Variants in CTSE observed in about 807,000 individuals in gnomAD.
CTSE encodes cathepsin E.
A neutral mutation model predicts 42.8 loss-of-function variants in CTSE; 43 were observed. The ratio of observed to expected loss-of-function variants is 1.01; its 90% CI spans 0.79 to 1.30. The LOEUF (loss-of-function observed/expected upper bound fraction) is 1.30. CTSE is among the 50% of genes most tolerant of loss of function. CTSE has a pLI of 0.00. For missense variants in CTSE, 532 were observed against 493.5 expected (o/e 1.08, Z -0.74); for synonymous variants, 205 against 191.5 (o/e 1.07, Z -0.58).
Position 206,023,866 on chromosome 1 carries a change from C to A in CTSE, c.-75G>T. ...CCGAGGGCAGTGGGAACGGACTTTC[C>A]CTAACTCTCAGACCTGCCCAGCCCA... On this transcript the variant is annotated 5_prime_UTR_variant, in exon 1 of 9. Coordinates refer to ENST00000358184, the MANE Select transcript of CTSE (RefSeq NM_001910.4). The A allele has an allele frequency of 6.7e-7, 1 of 1,481,784 alleles. No individual in the cohort carries two copies. The highest frequency in any genetic ancestry group is 1.1e-5 in the South Asian group (1 of 87,108). 91.8% of individuals were successfully genotyped at this position (1,481,784 alleles called of 1,614,324 possible). A position where few individuals can be genotyped will look rare whatever the true frequency, so the allele number is the denominator to read the frequency against.
intron 1 of CTSE, 49 bp from the exon 2 acceptor site, chr1:206,023,106 T>G (rs1661496362): frequency 7.3e-7 from 1 of 1,362,976 alleles, no homozygotes; most frequent in Admixed American, 1.9e-5. Flanking sequence ...TGCCTCCCTC[T>G]TCCCCCCATT....
At chr1:206,022,714 T>C (rs997236071) in intron 2 of CTSE, among the ~76,000 whole-genome samples, 187 bp downstream of exon 2, 3 of 152,032 alleles carry the variant, frequency 2.0e-5, no homozygotes, top group Admixed American at 6.5e-5. Flanking sequence ...ACTCTGACAT[T>C]TGGGTACATG....
chr1:206,010,248 G>C lies in CTSE; in HGVS notation c.1126C>G (p.Arg376Gly). The change falls in exon 9 of 9, where the codon CGA becomes GGA. Residue 376 changes from arginine (R) to glycine (G), a missense_variant. By Grantham distance (125) the Arg-to-Gly change is moderately radical. Transcript: ENST00000358184. Reference sequence around the variant, plus strand: ...CGGTCAAAGACTGAGTAAAACTGTCGAATGAAGACATCCCCCAGGATCCAG... The same window carrying C: ...CGGTCAAAGACTGAGTAAAACTGTCCAATGAAGACATCCCCCAGGATCCAG... The part of the protein sequence containing the change: ...PLWILGDVFI[R>G]QFYSVFDRGN... 2 of 1,613,724 alleles carry C rather than the reference G, an allele frequency of 1.2e-6. No individual in the cohort carries two copies. The highest frequency in any genetic ancestry group is 1.7e-6 in the Non-Finnish European group (2 of 1,179,774).
In CTSE at chr1:206,013,858, A is replaced by G. The variant is rs61742539; in HGVS notation, c.699T>C (p.Phe233=). ...PEGGAGSELI[F]GGYDHSHFSG... is the part of the protein sequence containing the mutation. The stretch of plus-strand genomic sequence containing the variant: ...AGAAATGGGAGTGGTCGTAGCCTCC[A>G]AAAATCAGCTCGCTCCCCGCACCAC... The change falls in exon 6 of 9, where the codon TTT becomes TTC. Residue 233 remains phenylalanine (F), a synonymous_variant. Transcript: ENST00000358184. 288,536 of 1,613,314 alleles carry G rather than the reference A, an allele frequency of 0.18. 30,569 individuals carry two copies. Among genetic ancestry groups the G allele is most frequent in the African/African-American group, 0.37 (27,332 of 74,880 alleles).
chr1:206,013,540 A>G (rs1438283607), intron 6 of CTSE, among the ~76,000 whole-genome samples: 2 of 152,000 alleles, frequency 1.3e-5, no homozygotes, highest in Non-Finnish European at 2.9e-5. Context: ...ACTGGTATTG[A>G]CTGTATGTTG....
chr1:206,017,635 G>A (rs563283613), intron 4 of CTSE, among the ~76,000 whole-genome samples: 12 of 152,030 alleles, frequency 7.9e-5, no homozygotes, highest in South Asian at 2.1e-4. Context: ...GACTACAGGC[G>A]TGTGCCACCA....
At chr1:206,018,915 T>C (rs1363696284) in intron 4 of CTSE, among the ~76,000 whole-genome samples, 2 of 152,070 alleles carry the variant, frequency 1.3e-5, no homozygotes, top group Non-Finnish European at 2.9e-5. Flanking sequence ...TTCCTTTTGA[T>C]TTCTTTGGGT....
chr1:206,022,181 G>T lies in CTSE; in HGVS notation c.312C>A (p.Val104=). The part of the protein sequence containing the change: ...IFDTGSSNLW[V]PSVYCTSPAC... ...CTGGGCTAGTGCAGTACACAGAGGG[G>T]ACCCAGAGGTTGGAGGAGCCAGTGT... is the stretch of plus-strand genomic sequence containing the variant. The change falls in exon 3 of 9, where the codon GTC becomes GTA. Residue 104 remains valine, a synonymous_variant. Coordinates refer to ENST00000358184, the MANE Select transcript of CTSE (RefSeq NM_001910.4). 3 of 1,612,174 alleles carry T rather than the reference G, an allele frequency of 1.9e-6. No individual in the cohort carries two copies. Among genetic ancestry groups the T allele is most frequent in the Non-Finnish European group, 1.7e-6 (2 of 1,178,570 alleles).
intron 3 of CTSE, among the ~76,000 whole-genome samples, 159 bp downstream of exon 3, chr1:206,021,991 T>A (rs1331981112): frequency 2.6e-5 from 4 of 152,118 alleles, no homozygotes; most frequent in Non-Finnish European, 5.9e-5. Flanking sequence ...ATCTCTGCTA[T>A]AAGCAGTTCC....
Position 206,022,174 on chromosome 1 carries a change from C to G in CTSE, c.319G>C (p.Val107Leu). ...CTGCAGGCTGGGCTAGTGCAGTACA[C>G]AGAGGGGACCCAGAGGTTGGAGGAG... ...TGSSNLWVPS[V>L]YCTSPACKTH... Residue 107 changes from valine to leucine, a missense_variant, in exon 3 of 9, where the codon GTG (valine) becomes CTG (leucine). Coordinates refer to ENST00000358184, the MANE Select transcript of CTSE (RefSeq NM_001910.4). The G allele has an allele frequency of 6.2e-7, 1 of 1,611,272 alleles. No individual in the cohort carries two copies. Among genetic ancestry groups the G allele is most frequent in the Non-Finnish European group, 8.5e-7 (1 of 1,177,916 alleles).
At chr1:206,023,588 T>A in intron 1 of CTSE, 136 bp downstream of exon 1, 1 of 750,096 alleles carries the variant, frequency 1.3e-6, no homozygotes, top group Non-Finnish European at 2.3e-6. Flanking sequence ...ACTGGATGAG[T>A]CTCTTCCATG....
intron 3 of CTSE, chr1:206,021,372 T>G (rs1661416557): frequency 5.3e-6 from 3 of 563,826 alleles, no homozygotes. Context: ...GGGGACCAAA[T>G]AGCTATCCCT....
In CTSE at chr1:206,012,536, G is replaced by A; in HGVS notation, c.899C>T (p.Ala300Val). 6.2e-7 allele frequency: 1 copy of A among 1,614,002 alleles called. No individual in the cohort carries two copies. The highest frequency in any genetic ancestry group is 8.5e-7 in the Non-Finnish European group (1 of 1,179,948). ...PSDKIKQLQN[A>V]IGAAPVDGEY... is the part of the protein sequence containing the mutation. ...TCCATCCACGGGGGCTGCCCCAATG[G>A]CGTTTTGCAGCTGCTTAATCTTGTC... The change falls in exon 7 of 9, where the codon GCC (alanine) becomes GTC (valine). Residue 300 changes from alanine to valine, a missense_variant. Ala to Val is a moderately conservative substitution (Grantham distance 64). Transcript: ENST00000358184.
At chr1:206,013,194 A>G (rs1192443443) in intron 6 of CTSE, among the ~76,000 whole-genome samples, 4 of 152,030 alleles carry the variant, frequency 2.6e-5, no homozygotes. Context: ...GCACGGCGCT[A>G]GGTATGAGGC....
At chr1:206,014,104 C>A (rs553882332) in intron 5 of CTSE, 38 of 560,644 alleles carry the variant, frequency 6.8e-5, no homozygotes, top group South Asian at 5.2e-4. Flanking sequence ...TCCCCTTGAC[C>A]ATTTGTGAAT....
rs1553277076 is a variant in CTSE at position 206,012,313 on chromosome 1, G to A, written c.1021C>T (p.Leu341=). Residue 341 remains leucine, a synonymous_variant, in exon 8 of 9, where the codon CTA becomes TTA. Coordinates refer to ENST00000358184, the MANE Select transcript of CTSE (RefSeq NM_001910.4). ...AATAAGGAAACAGTTCTTACCAGTA[G>A]GGTGTAGGCAGTTGGGCTGAGGGTA... ...PYTLSPTAYT[L]LDFVDGMQFC... The A allele has an allele frequency of 1.9e-6, 3 of 1,612,404 alleles. No homozygotes were observed. Among genetic ancestry groups the A allele is most frequent in the Non-Finnish European group, 2.5e-6 (3 of 1,178,504 alleles).
chr1:206,013,381 T>C (rs1330435242), intron 6 of CTSE, among the ~76,000 whole-genome samples: 2 of 152,066 alleles, frequency 1.3e-5, no homozygotes, highest in Non-Finnish European at 2.9e-5. Context: ...ACCTTCCATT[T>C]TACAGGATAG....
chr1:206,022,395 C>G (rs576626872), intron 2 of CTSE, 128 bp from the exon 3 acceptor site: 1 of 616,050 alleles, frequency 1.6e-6, no homozygotes, highest in East Asian at 2.8e-5. Flanking sequence ...TTTACAGAGC[C>G]TAGGAAGTGG....
chr1:206,016,174 G>A (rs782816295), intron 4 of CTSE, 44 bp from the exon 5 acceptor site: 1 of 1,576,312 alleles, frequency 6.3e-7, no homozygotes, highest in East Asian at 2.2e-5. Flanking sequence ...ATGGCACAGG[G>A]GATTGCTGGC....
Sources: gnomAD v4.1 joint callset for allele counts (sites outside exome capture counted in the v4.1 genomes callset) on GRCh38, gnomAD v4.1.1 for gene constraint, MANE v1.5 for transcripts, NCBI Gene and HGNC (gene_info 2026-07-23, HGNC 2026-07-21) for gene names.